CAMKMT: variants seen among roughly 807,000 people sequenced by gnomAD.
The protein encoded by CAMKMT is CaM KMT.
Under a neutral mutation model 48.0 loss-of-function variants are expected in CAMKMT, and 53 were observed. That is an observed-to-expected ratio of 1.10 (90% CI 0.89 to 1.39). The LOEUF (loss-of-function observed/expected upper bound fraction) is 1.39. CAMKMT is among the 40% of genes most tolerant of loss of function. CAMKMT has a pLI of 0.00. For missense variants in CAMKMT, 428 were observed against 402.7 expected, an observed-to-expected ratio of 1.06 and a Z score of -0.54; for synonymous variants, 165 against 152.3, an observed-to-expected ratio of 1.08 and a Z score of -0.61.
intron 3 of CAMKMT, among the ~76,000 whole-genome samples, chr2:44,609,440 T>C (rs1671476561): frequency 6.6e-6 from 1 of 151,636 alleles, no homozygotes; most frequent in Non-Finnish European, 1.5e-5. Context: ...CAATTGTCTG[T>C]CAATTTTTAA....
At chr2:44,638,735 G>A (rs900596915) in intron 3 of CAMKMT, among the ~76,000 whole-genome samples, 5 of 152,182 alleles carry the variant, frequency 3.3e-5, no homozygotes, top group African/African-American at 1.2e-4. Flanking sequence ...GTTGGGTCCA[G>A]AAGAAAAATA....
At chr2:44,497,801 G>A (rs1669827302) in intron 3 of CAMKMT, among the ~76,000 whole-genome samples, 1 of 151,536 alleles carries the variant, frequency 6.6e-6, no homozygotes, top group Non-Finnish European at 1.5e-5. Flanking sequence ...CAAAGACCAA[G>A]CAGGCATCAG....
At chr2:44,566,749 G>T (rs1212771359) in intron 3 of CAMKMT, among the ~76,000 whole-genome samples, 2 of 152,122 alleles carry the variant, frequency 1.3e-5, no homozygotes, top group African/African-American at 4.8e-5. Context: ...ATTTATGAGT[G>T]GATGCGTTTG....
At chr2:44,579,467 G>A (rs141600272) in intron 3 of CAMKMT, among the ~76,000 whole-genome samples, 13 of 152,270 alleles carry the variant, frequency 8.5e-5, no homozygotes, top group African/African-American at 2.6e-4. Context: ...GAGAGGCAAA[G>A]CATTTTAATG....
chr2:44,396,439 C>T (rs898812887), intron 3 of CAMKMT, among the ~76,000 whole-genome samples: 3 of 151,870 alleles, frequency 2.0e-5, no homozygotes, highest in Admixed American at 6.6e-5. Context: ...TAGAGAAAAA[C>T]GTAGCCAAAA....
intron 3 of CAMKMT, among the ~76,000 whole-genome samples, chr2:44,573,948 G>A (rs536904546): frequency 6.6e-6 from 1 of 152,182 alleles, no homozygotes; most frequent in South Asian, 2.1e-4. Flanking sequence ...TTATAGTTAT[G>A]TTTTGATTTC....
At chr2:44,767,880 C>T (rs1289149028) in intron 10 of CAMKMT, among the ~76,000 whole-genome samples, 1 of 152,192 alleles carries the variant, frequency 6.6e-6, no homozygotes, top group Non-Finnish European at 1.5e-5. Context: ...GCTTCAATGT[C>T]GTGCCATTCA....
intron 3 of CAMKMT, among the ~76,000 whole-genome samples, chr2:44,592,126 A>T (rs1387489122): frequency 6.6e-6 from 1 of 152,050 alleles, no homozygotes; most frequent in Non-Finnish European, 1.5e-5. Flanking sequence ...TGACGAGTTA[A>T]TGGGTGCAGC....
rs547029989 is a variant in CAMKMT, at chr2:44,511,827, A to C, written c.376+121522A>C. On this transcript the variant is annotated intron_variant, in intron 3 of 10. Coordinates refer to ENST00000378494, the MANE Select transcript of CAMKMT (RefSeq NM_024766.5). ...CACTTCAAGTGTTTACACAAATTTGACCTTGTTAGTGAGACCTCCTTGACC... is the reference window on the plus strand; with the variant it reads ...CACTTCAAGTGTTTACACAAATTTGCCCTTGTTAGTGAGACCTCCTTGACC... 2.0e-5 allele frequency among the ~76,000 whole-genome samples: 3 copies of C among 152,096 alleles called. No homozygotes were observed. In the South Asian group the frequency reaches 6.2e-4, roughly 32 times the overall value.
At chr2:44,591,622 A>G (rs891514548) in intron 3 of CAMKMT, among the ~76,000 whole-genome samples, 13 of 152,152 alleles carry the variant, frequency 8.5e-5, no homozygotes, top group Admixed American at 7.2e-4. Flanking sequence ...GTGGGACTGT[A>G]AACTAGTTCA....
chr2:44,416,299 G>A (rs1251041035), intron 3 of CAMKMT, among the ~76,000 whole-genome samples: 1 of 152,094 alleles, frequency 6.6e-6, no homozygotes, highest in Non-Finnish European at 1.5e-5. Flanking sequence ...TAAAATATCA[G>A]CTTTAATGAG....
At chr2:44,589,920 A>G in intron 3 of CAMKMT, among the ~76,000 whole-genome samples, 1 of 86,332 alleles carries the variant, frequency 1.2e-5, no homozygotes, top group Non-Finnish European at 2.6e-5. Context: ...AACGAAAAAA[A>G]AAAAATTTTA....
At chr2:44,376,449 G>C (rs1679706933) in intron 2 of CAMKMT, among the ~76,000 whole-genome samples, 1 of 151,422 alleles carries the variant, frequency 6.6e-6, no homozygotes, top group Admixed American at 6.6e-5. Flanking sequence ...AGACACTGGG[G>C]ATGTTACAAG....
intron 3 of CAMKMT, among the ~76,000 whole-genome samples, chr2:44,580,286 G>C (rs540499209): frequency 2.9e-4 from 20 of 68,920 alleles, no homozygotes; most frequent in Admixed American, 1.4e-3. Flanking sequence ...AATAAAGTGT[G>C]CTGAATTAGA....
At chr2:44,509,067 G>A (rs957118922) in intron 3 of CAMKMT, among the ~76,000 whole-genome samples, 12 of 149,908 alleles carry the variant, frequency 8.0e-5, no homozygotes, top group Non-Finnish European at 1.6e-4. Flanking sequence ...CTACACTCCA[G>A]GCTGGATGAC....
intron 3 of CAMKMT, among the ~76,000 whole-genome samples, chr2:44,455,775 AT>A (rs201611818): frequency 0.071 from 10,797 of 151,750 alleles, 480 homozygotes; most frequent in South Asian, 0.13. Context: ...TTAAAAAGCT[AT>A]TTTTTTTAAT....
chr2:44,587,215 A>G (rs1247886436), intron 3 of CAMKMT, among the ~76,000 whole-genome samples: 1 of 152,156 alleles, frequency 6.6e-6, no homozygotes, highest in African/African-American at 2.4e-5. Context: ...CATTGAATCA[A>G]TAGCTTAATT....
At chr2:44,628,714 G>A (rs913878995) in intron 3 of CAMKMT, among the ~76,000 whole-genome samples, 1 of 151,878 alleles carries the variant, frequency 6.6e-6, no homozygotes, top group African/African-American at 2.4e-5. Context: ...ATTTTGATAT[G>A]CTATATTTTA....
At chr2:44,729,087 G>C (rs964262860) in intron 7 of CAMKMT, among the ~76,000 whole-genome samples, 9 of 151,756 alleles carry the variant, frequency 5.9e-5, no homozygotes, top group Non-Finnish European at 8.8e-5. Flanking sequence ...GCCTGAATGA[G>C]AGTGGAAAAT....
Sources: gnomAD v4.1 joint callset for allele counts (sites outside exome capture counted in the v4.1 genomes callset) on GRCh38, gnomAD v4.1.1 for gene constraint, MANE v1.5 for transcripts, NCBI Gene and HGNC (gene_info 2026-07-23, HGNC 2026-07-21) for gene names.